The following TOX variants were observed in gnomAD, a reference collection of about 807,000 sequenced individuals.
TOX encodes thymocyte selection associated high mobility group box.
A neutral mutation model predicts 53.7 loss-of-function variants in TOX; 11 were observed. The ratio of observed to expected loss-of-function variants is 0.20; its 90% CI spans 0.13 to 0.34. The LOEUF (loss-of-function observed/expected upper bound fraction) is 0.34, where lower values mean the gene tolerates loss of function less well. Ranked by LOEUF, TOX falls within the 10% of genes least tolerant of loss-of-function variation. The probability of loss-of-function intolerance (pLI) is 1.00; values close to 1 mark genes in which losing one functional copy is unlikely to be tolerated. For synonymous variants in TOX, 225 were observed against 245.3 expected, an observed-to-expected ratio of 0.92 and a Z score of 0.77; for missense variants, 570 against 664.6, an observed-to-expected ratio of 0.86 and a Z score of 1.56.
Position 58,815,319 on chromosome 8 carries a change from C to T in TOX, c.1392+19G>A. On this transcript the variant is annotated intron_variant, in intron 7 of 8. Transcript: ENST00000361421. The stretch of plus-strand genomic sequence containing the variant: ...CAGAATAGGGGTGCACACTCTAAGT[C>T]CAGAGCCATTGCACTTACTTGCTGC... The T allele has an allele frequency of 6.3e-7, 1 of 1,575,686 alleles. No individual in the cohort carries two copies. Among genetic ancestry groups the T allele is most frequent in the Non-Finnish European group, 8.6e-7 (1 of 1,159,794 alleles).
At chr8:58,928,587 G>A (rs1055482125) in intron 3 of TOX, among the ~76,000 whole-genome samples, 3 of 152,070 alleles carry the variant, frequency 2.0e-5, no homozygotes, top group Admixed American at 2.0e-4. Flanking sequence ...AAATAGTTAC[G>A]TGATCATAGC....
At chr8:58,963,957 C>T (rs1812845981) in intron 1 of TOX, among the ~76,000 whole-genome samples, 1 of 152,118 alleles carries the variant, frequency 6.6e-6, no homozygotes, top group African/African-American at 2.4e-5. Context: ...AAGGTGGTGA[C>T]TTGAGAAGAG....
At chr8:58,828,637 C>T (rs1231666423) in intron 5 of TOX, among the ~76,000 whole-genome samples, 1 of 151,824 alleles carries the variant, frequency 6.6e-6, no homozygotes, top group African/African-American at 2.4e-5. Flanking sequence ...CGAGTAAGTG[C>T]CTTTGAACAG....
chr8:58,925,589 C>A (rs897277982), intron 3 of TOX, among the ~76,000 whole-genome samples: 3 of 152,146 alleles, frequency 2.0e-5, no homozygotes, highest in Non-Finnish European at 4.4e-5. Context: ...ACATATGAGG[C>A]GGCAGCTAAA....
intron 3 of TOX, among the ~76,000 whole-genome samples, chr8:58,865,214 A>T (rs1329031665): frequency 6.6e-6 from 1 of 152,132 alleles, no homozygotes; most frequent in East Asian, 1.9e-4. Flanking sequence ...TAACCACAGG[A>T]GAGTAATGAA....
At chr8:59,110,041 T>A (rs1804985044) in intron 1 of TOX, among the ~76,000 whole-genome samples, 1 of 152,150 alleles carries the variant, frequency 6.6e-6, no homozygotes, top group African/African-American at 2.4e-5. Context: ...GAGAGTTACC[T>A]TGAAAAATAA....
At chr8:58,960,077 G>A (rs1453279389) in intron 1 of TOX, 69 bp from the exon 2 acceptor site, 1 of 1,561,060 alleles carries the variant, frequency 6.4e-7, no homozygotes, top group African/African-American at 1.4e-5. Flanking sequence ...TATTTGTTTT[G>A]TTTTGTTTTT....
In TOX at chr8:58,832,462, A is replaced by G. The variant is rs183798302; in HGVS notation, c.925-5560T>C. 7.8e-4 allele frequency among the ~76,000 whole-genome samples: 119 copies of G among 152,224 alleles called. 1 individual carries two copies. Among genetic ancestry groups the G allele is most frequent in the African/African-American group, 2.7e-3 (114 of 41,538 alleles). ...TTACAGTGCGACAGGATTTTAGTTAACCTTAAGTATTGTTGACATAAAAAT... is the reference window on the plus strand; with the variant it reads ...TTACAGTGCGACAGGATTTTAGTTAGCCTTAAGTATTGTTGACATAAAAAT... On this transcript the variant is annotated intron_variant, in intron 5 of 8. Coordinates refer to ENST00000361421, the MANE Select transcript of TOX (RefSeq NM_014729.3).
chr8:59,073,868 T>C (rs1804246035), intron 1 of TOX, among the ~76,000 whole-genome samples: 1 of 152,146 alleles, frequency 6.6e-6, no homozygotes, highest in Non-Finnish European at 1.5e-5. Flanking sequence ...GCCCTTCACT[T>C]AAATAGCATG....
At chr8:59,044,127 A>G (rs1033872824) in intron 1 of TOX, among the ~76,000 whole-genome samples, 6 of 152,058 alleles carry the variant, frequency 3.9e-5, no homozygotes, top group African/African-American at 1.4e-4. Context: ...CACCCATTCC[A>G]TAATAAAACT....
At chr8:58,883,129 G>A (rs1047871383) in intron 3 of TOX, among the ~76,000 whole-genome samples, 1 of 152,134 alleles carries the variant, frequency 6.6e-6, no homozygotes, top group African/African-American at 2.4e-5. Flanking sequence ...ATGATGTGGA[G>A]CAAGGCACAC....
rs147695238 is a variant in TOX at position 59,033,680 on chromosome 8, T to C, written c.103-73672A>G. On this transcript the variant is annotated intron_variant, in intron 1 of 8. Transcript: ENST00000361421. ...TAGGACAGTCTATCACCAAGAAAAG[T>C]GGTCTTAGTCGAATTGGGGCAAACC... Among the ~76,000 whole-genome samples, 3 of 152,184 alleles carry C rather than the reference T, an allele frequency of 2.0e-5. No individual in the cohort carries two copies. In the East Asian group the frequency reaches 5.8e-4, roughly 29 times the overall value.
chr8:58,923,088 G>A (rs575593199), intron 3 of TOX, among the ~76,000 whole-genome samples: 28 of 150,376 alleles, frequency 1.9e-4, no homozygotes, highest in African/African-American at 6.6e-4. Context: ...ATGAAGAAAC[G>A]GATTTTTTTT....
At chr8:58,964,852 C>T (rs779387010) in intron 1 of TOX, among the ~76,000 whole-genome samples, 3 of 128,050 alleles carry the variant, frequency 2.3e-5, no homozygotes, top group Non-Finnish European at 4.8e-5. Context: ...GACTCAATGG[C>T]TATTTGTAGC....
intron 1 of TOX, among the ~76,000 whole-genome samples, chr8:59,049,958 C>A (rs372616458): frequency 1.3e-5 from 2 of 152,074 alleles, no homozygotes; most frequent in Middle Eastern, 3.2e-3. Flanking sequence ...AGTATATGTT[C>A]TTGTATTATA....
intron 3 of TOX, among the ~76,000 whole-genome samples, chr8:58,894,928 G>A (rs928368340): frequency 2.6e-5 from 4 of 151,396 alleles, no homozygotes; most frequent in East Asian, 2.0e-4. Context: ...GGTGACTCAC[G>A]CCTGTAATCC....
Position 58,948,907 on chromosome 8 carries a change from G to A in TOX, c.169-9363C>T, listed in dbSNP as rs912941569. Reference sequence around the variant, plus strand: ...CAAAACATTAAAATGTGTGTCTTTCGAGATTCTTTTTAGTGCATATTTGCT... The same window carrying A: ...CAAAACATTAAAATGTGTGTCTTTCAAGATTCTTTTTAGTGCATATTTGCT... On this transcript the variant is annotated intron_variant, in intron 2 of 8. Coordinates refer to ENST00000361421, the MANE Select transcript of TOX (RefSeq NM_014729.3). 3.9e-5 allele frequency among the ~76,000 whole-genome samples: 6 copies of A among 152,126 alleles called. 1 individual carries two copies. The highest frequency in any genetic ancestry group is 2.0e-4 in the Admixed American group (3 of 15,280).
At chr8:58,921,353 C>A (rs143038170) in intron 3 of TOX, among the ~76,000 whole-genome samples, 2,642 of 152,276 alleles carry the variant, frequency 0.017, 68 homozygotes, top group African/African-American at 0.059. Context: ...CATATTCCAA[C>A]CTAGATAGGA....
At chr8:58,905,000 T>A (rs1241370412) in intron 3 of TOX, among the ~76,000 whole-genome samples, 1 of 152,216 alleles carries the variant, frequency 6.6e-6, no homozygotes, top group Non-Finnish European at 1.5e-5. Flanking sequence ...TGGTACGATC[T>A]TGGCTCACTG....
Sources: allele counts gnomAD v4.1 joint callset (sites outside exome capture counted in the v4.1 genomes callset), GRCh38; gene constraint gnomAD v4.1.1; transcripts MANE v1.5; gene names NCBI Gene and HGNC (gene_info 2026-07-23, HGNC 2026-07-21).